Variants in KRABD2 observed in about 807,000 individuals in gnomAD.
KRABD2 encodes the protein KRAB domain-containing protein 2.
the KRABD2 span, among the ~76,000 whole-genome samples, chr17:8,366,784 T>C: frequency 6.6e-6 from 1 of 151,994 alleles, no homozygotes; most frequent in Admixed American, 6.6e-5. Context: ...TGCAGTGGCA[T>C]GATCTCGGCT....
chr17:8,370,943 C>T, the KRABD2 span, among the ~76,000 whole-genome samples: 5 of 152,172 alleles, frequency 3.3e-5, no homozygotes, highest in South Asian at 4.1e-4. Flanking sequence ...GCGAGGTGGG[C>T]GGATCACTTG....
At chr17:8,373,206 G>A in the KRABD2 span, among the ~76,000 whole-genome samples, 26 of 151,660 alleles carry the variant, frequency 1.7e-4, no homozygotes, top group East Asian at 2.1e-3. Flanking sequence ...CTCTCTCCAC[G>A]GTCTCCCTCT....
At chr17:8,373,515 G>T in the KRABD2 span, 1 of 195,132 alleles carries the variant, frequency 5.1e-6, no homozygotes, top group Non-Finnish European at 1.0e-5. Context: ...GCGTGATCTC[G>T]GCTCCCTACA....
chr17:8,359,147 T>C, the KRABD2 span, among the ~76,000 whole-genome samples: 1 of 152,220 alleles, frequency 6.6e-6, no homozygotes, highest in African/African-American at 2.4e-5. Flanking sequence ...GGTTTGTCTC[T>C]TGTCTCTTCA....
chr17:8,371,426 A>G, the KRABD2 span: 5 of 1,614,062 alleles, frequency 3.1e-6, no homozygotes, highest in Non-Finnish European at 4.2e-6. Context: ...GCTTCCTGAA[A>G]CAACATTGGC....
At chr17:8,360,198 C>G in the KRABD2 span, among the ~76,000 whole-genome samples, 1 of 151,864 alleles carries the variant, frequency 6.6e-6, no homozygotes, top group Non-Finnish European at 1.5e-5. Flanking sequence ...TAAGATTTAA[C>G]AAATTGAGAC....
the KRABD2 span, among the ~76,000 whole-genome samples, chr17:8,364,524 T>C: frequency 6.6e-6 from 1 of 152,138 alleles, no homozygotes; most frequent in Non-Finnish European, 1.5e-5. This position sits in a 1 kb window ranked among gnomAD's most constrained non-coding sequence, Gnocchi z 4.4. Context: ...CGCAGTGGCC[T>C]TTCTTCAGCA....
the KRABD2 span, among the ~76,000 whole-genome samples, chr17:8,374,937 C>CAAAAAAAAAAAAAAAAAAAAAAAAAAA: frequency 2.8e-4 from 13 of 46,184 alleles, 1 homozygote; most frequent in African/African-American, 9.5e-4. Context: ...GACTCTGTCA[C>CAAAAAAAAAAAAAAAAAAAAAAAAAAA]AAAAAAAAAA....
chr17:8,376,654 G>T, the KRABD2 span: 1 of 985,406 alleles, frequency 1.0e-6, no homozygotes, highest in Non-Finnish European at 1.2e-6. Context: ...GGACACACCA[G>T]ACGCGGCGTC....
chr17:8,363,829 A>AT, the KRABD2 span, among the ~76,000 whole-genome samples: 11 of 47,886 alleles, frequency 2.3e-4, no homozygotes, highest in African/African-American at 9.8e-4. Flanking sequence ...TATATATCAT[A>AT]CATATATATA....
chr17:8,372,063 G>C, the KRABD2 span: 65 of 985,556 alleles, frequency 6.6e-5, no homozygotes, highest in African/African-American at 8.0e-4. The surrounding 1 kb of genome is among the most constrained non-coding windows in gnomAD (Gnocchi z 4.1). Flanking sequence ...GATGCAGAGC[G>C]GAGGGGCAGG....
the KRABD2 span, among the ~76,000 whole-genome samples, chr17:8,374,699 C>T: frequency 1.3e-5 from 2 of 148,416 alleles, no homozygotes; most frequent in African/African-American, 5.0e-5. Flanking sequence ...GTAACCCCAG[C>T]ACTTTAGGAG....
At chr17:8,362,247 G>A in the KRABD2 span, among the ~76,000 whole-genome samples, 9 of 151,930 alleles carry the variant, frequency 5.9e-5, no homozygotes, top group Non-Finnish European at 7.4e-5. This position sits in a 1 kb window ranked among gnomAD's most constrained non-coding sequence, Gnocchi z 4.2. Flanking sequence ...GGAGAATGGC[G>A]TGAACCCGGG....
At chr17:8,376,306 T>G in the KRABD2 span, 1 of 1,224,860 alleles carries the variant, frequency 8.2e-7, no homozygotes, top group Non-Finnish European at 1.0e-6. Context: ...ATTTACTGAC[T>G]AAAGCAAAGT....
At chr17:8,365,882 C>T in the KRABD2 span, among the ~76,000 whole-genome samples, 8 of 152,202 alleles carry the variant, frequency 5.3e-5, no homozygotes, top group South Asian at 1.7e-3. Flanking sequence ...AATCCCAGCA[C>T]TTTGGGAGGC....
chr17:8,360,005 CTG>C, the KRABD2 span: 5 of 370,628 alleles, frequency 1.3e-5, no homozygotes, highest in African/African-American at 2.1e-5. Flanking sequence ...AGTGAGCCAT[CTG>C]TGTGAATCCC....
the KRABD2 span, chr17:8,372,139 G>C: frequency 1.1e-6 from 1 of 942,392 alleles, no homozygotes; most frequent in Non-Finnish European, 1.3e-6. The surrounding 1 kb of genome is among the most constrained non-coding windows in gnomAD (Gnocchi z 4.1). Flanking sequence ...TCTCAGTTAA[G>C]TGGGGCCTGC....
the KRABD2 span, among the ~76,000 whole-genome samples, chr17:8,370,925 T>G: frequency 6.6e-6 from 1 of 152,124 alleles, no homozygotes; most frequent in Non-Finnish European, 1.5e-5. Flanking sequence ...TCCCAGCACT[T>G]TGGGAGGGCG....
the KRABD2 span, chr17:8,369,243 C>T: frequency 3.1e-6 from 5 of 1,614,110 alleles, no homozygotes; most frequent in African/African-American, 5.3e-5. Context: ...AATCTCAGCC[C>T]TTTCTTCCTG....
Sources: allele counts gnomAD v4.1 joint callset (sites outside exome capture counted in the v4.1 genomes callset), GRCh38; gene constraint gnomAD v4.1.1; non-coding constraint Gnocchi (gnomAD v3.1); transcripts MANE v1.5; gene names NCBI Gene and HGNC (gene_info 2026-07-23, HGNC 2026-07-21).